The following SH3PXD2A variants were observed in gnomAD, a reference collection of about 807,000 sequenced individuals.
SH3PXD2A encodes the protein SH3 and PX domain-containing protein 2A.
SH3PXD2A carries 32 observed loss-of-function variants against 115.2 expected under a neutral mutation model. The ratio of observed to expected loss-of-function variants is 0.28; its 90% CI spans 0.21 to 0.37. SH3PXD2A has a LOEUF of 0.37. Ranked by LOEUF, SH3PXD2A falls within the 10% of genes least tolerant of loss-of-function variation. The pLI, the probability that SH3PXD2A is intolerant of heterozygous loss-of-function variation, is 1.00. For synonymous variants in SH3PXD2A, 610 were observed against 629.1 expected, an observed-to-expected ratio of 0.97 and a Z score of 0.45; for missense variants, 1,328 against 1,498.7, an observed-to-expected ratio of 0.89 and a Z score of 1.88.
chr10:103,778,772 A>T (rs1050233121), intron 2 of SH3PXD2A, among the ~76,000 whole-genome samples: 14 of 152,216 alleles, frequency 9.2e-5, no homozygotes, highest in African/African-American at 3.1e-4. Context: ...TGCCAAGCCC[A>T]TCTAACCCTA....
chr10:103,764,501 G>A (rs1029212515), intron 3 of SH3PXD2A, among the ~76,000 whole-genome samples: 17 of 152,146 alleles, frequency 1.1e-4, no homozygotes, highest in African/African-American at 4.1e-4. Context: ...AACATCACCC[G>A]CTATGCACAG....
chr10:103,755,232 AG>A (rs1226813483), intron 3 of SH3PXD2A: 1 of 152,202 alleles, frequency 6.6e-6, no homozygotes, highest in Non-Finnish European at 1.5e-5. Flanking sequence ...CAATTTTGTT[AG>A]GGACCTGATA....
Position 103,599,531 on chromosome 10 carries a change from T to TTTTA in SH3PXD2A, c.*2281_*2284dup, listed in dbSNP as rs2036186301. ...ACCTGACAGTCACTCTACTTTTAAA[T>TTTTA]TTTATTTTAAATAGTCATAAATTAC... On this transcript the variant is annotated 3_prime_UTR_variant, in exon 15 of 15. Coordinates refer to ENST00000369774, the MANE Select transcript of SH3PXD2A (RefSeq NM_001394015.1). 3 of 152,612 alleles carry TTTTA rather than the reference T, an allele frequency of 2.0e-5. No individual in the cohort carries two copies. The highest frequency in any genetic ancestry group is 7.2e-5 in the African/African-American group (3 of 41,450). 9.5% of individuals were successfully genotyped at this position (152,612 alleles called of 1,614,324 possible). A position where few individuals can be genotyped will look rare whatever the true frequency, so the allele number is the denominator to read the frequency against.
At chr10:103,677,676 G>A (rs1994839) in intron 6 of SH3PXD2A, among the ~76,000 whole-genome samples, 131,518 of 152,216 alleles carry the variant, frequency 0.86, 56,925 homozygotes, top group East Asian at 1. Context: ...AGCGCATAGC[G>A]CATAGTAGGT....
At chr10:103,681,679 G>T (rs1340461391) in intron 6 of SH3PXD2A, among the ~76,000 whole-genome samples, 1 of 152,244 alleles carries the variant, frequency 6.6e-6, no homozygotes, top group African/African-American at 2.4e-5. Context: ...AAGAGGCAGA[G>T]GTTGCAGTGA....
At chr10:103,633,378 T>G (rs1182817307) in intron 8 of SH3PXD2A, among the ~76,000 whole-genome samples, 1 of 141,374 alleles carries the variant, frequency 7.1e-6, no homozygotes, top group Admixed American at 7.1e-5. Flanking sequence ...ACCATGCCAT[T>G]GCACTCCAGC....
intron 4 of SH3PXD2A, among the ~76,000 whole-genome samples, chr10:103,728,212 T>G (rs899173884): frequency 1.3e-5 from 2 of 152,238 alleles, no homozygotes; most frequent in Non-Finnish European, 2.9e-5. Context: ...TGAGGCTGGA[T>G]GCATTACCTG....
At chr10:103,661,340 C>T (rs2037297971) in intron 7 of SH3PXD2A, among the ~76,000 whole-genome samples, 1 of 152,216 alleles carries the variant, frequency 6.6e-6, no homozygotes, top group South Asian at 2.1e-4. Flanking sequence ...ACATGGGGAG[C>T]CAGGGGGCCG....
Position 103,767,184 on chromosome 10 carries a change from A to G in SH3PXD2A, c.154-15T>C. 6.2e-7 allele frequency: 1 copy of G among 1,604,420 alleles called. No homozygotes were observed. The highest frequency in any genetic ancestry group is 8.5e-7 in the Non-Finnish European group (1 of 1,171,436). ...AAAAGCTGCATCTGAGAAGCCAGAC[A>G]GACAGAGGGACAGGATTCAGAAGAC... On this transcript the variant is annotated splice_polypyrimidine_tract_variant and intron_variant, in intron 2 of 14. Transcript: ENST00000369774.
At chr10:103,777,446 G>A (rs1486333992) in intron 2 of SH3PXD2A, among the ~76,000 whole-genome samples, 2 of 152,276 alleles carry the variant, frequency 1.3e-5, no homozygotes, top group African/African-American at 2.4e-5. Flanking sequence ...GTGGGCCAGG[G>A]TTGGGGAGGA....
At chr10:103,685,974 G>A (rs944259868) in intron 6 of SH3PXD2A, among the ~76,000 whole-genome samples, 1 of 152,208 alleles carries the variant, frequency 6.6e-6, no homozygotes, top group African/African-American at 2.4e-5. Context: ...ACAAATGGCA[G>A]AGCTGGGGTT....
At chr10:103,609,890 G>A (rs2036398820) in intron 13 of SH3PXD2A, 1 of 152,220 alleles carries the variant, frequency 6.6e-6, no homozygotes, top group African/African-American at 2.4e-5. Flanking sequence ...TACCAGCTGT[G>A]TGGCCCTGGG....
rs1265981340 is a variant in SH3PXD2A at position 103,755,858 on chromosome 10, CAT to C, written c.229+11234_229+11235del. On this transcript the variant is annotated intron_variant, in intron 3 of 14. Coordinates refer to ENST00000369774, the MANE Select transcript of SH3PXD2A (RefSeq NM_001394015.1). ...TCTCCTGTTTGGGCCTGGGGAGAAA[CAT>C]AAACCTAGCCCCTTTCCTTCACACG... Among the ~76,000 whole-genome samples the C allele has an allele frequency of 2.0e-5, 3 of 152,128 alleles. No individual in the cohort carries two copies. In the East Asian group the frequency reaches 5.8e-4, roughly 29 times the overall value.
intron 9 of SH3PXD2A, among the ~76,000 whole-genome samples, chr10:103,626,083 C>T (rs1423557155): frequency 6.6e-6 from 1 of 152,262 alleles, no homozygotes; most frequent in Admixed American, 6.5e-5. Context: ...GGGCCCTTCC[C>T]AATGGGGCCT....
chr10:103,743,632 A>G (rs943295147), intron 3 of SH3PXD2A, among the ~76,000 whole-genome samples: 3 of 152,024 alleles, frequency 2.0e-5, no homozygotes, highest in African/African-American at 7.2e-5. Flanking sequence ...CAGCCTCCCA[A>G]AAGGCTGGGA....
At chr10:103,701,103 TCTACCATCCAG>T (rs2037891480) in intron 5 of SH3PXD2A, among the ~76,000 whole-genome samples, 1 of 13,574 alleles carries the variant, frequency 7.4e-5, no homozygotes. Flanking sequence ...CATCTATCCA[TCTACCATCCAG>T]CCATCCATCA....
intron 8 of SH3PXD2A, among the ~76,000 whole-genome samples, chr10:103,644,431 A>C (rs569635675): frequency 1.9e-4 from 29 of 152,006 alleles, no homozygotes; most frequent in Non-Finnish European, 3.4e-4. Context: ...AATGTAGTTT[A>C]AAAAATTTAG....
At chr10:103,656,302 C>G (rs1457995930) in intron 8 of SH3PXD2A, among the ~76,000 whole-genome samples, 4 of 152,228 alleles carry the variant, frequency 2.6e-5, no homozygotes, top group African/African-American at 9.7e-5. Flanking sequence ...CAGGGCTGGA[C>G]ACCCGATCTA....
At chr10:103,840,161 A>G (rs2039583407) in intron 1 of SH3PXD2A, among the ~76,000 whole-genome samples, 1 of 152,244 alleles carries the variant, frequency 6.6e-6, no homozygotes. Flanking sequence ...TCTCATTCCA[A>G]CAATAAACTG....
Sources: gnomAD v4.1 joint callset for allele counts (sites outside exome capture counted in the v4.1 genomes callset) on GRCh38, gnomAD v4.1.1 for gene constraint, MANE v1.5 for transcripts, NCBI Gene and HGNC (gene_info 2026-07-23, HGNC 2026-07-21) for gene names.